The following CTNNA2 variants were observed in gnomAD, a reference collection of about 807,000 sequenced individuals.
The protein encoded by CTNNA2 is catenin alpha-2.
A neutral mutation model predicts 101.0 loss-of-function variants in CTNNA2; 42 were observed. That is an observed-to-expected ratio of 0.42 (90% CI 0.32 to 0.54). The LOEUF is 0.54. Among genes scored for constraint, CTNNA2 ranks in the 20% least tolerant of loss-of-function variants. CTNNA2 has a pLI of 0.14. For synonymous variants in CTNNA2, 450 were observed against 456.4 expected, an observed-to-expected ratio of 0.99 and a Z score of 0.18; for missense variants, 871 against 1,223.1, an observed-to-expected ratio of 0.71 and a Z score of 4.29.
intron 7 of CTNNA2, among the ~76,000 whole-genome samples, chr2:80,167,555 A>G (rs1163966441): frequency 6.6e-6 from 1 of 152,200 alleles, no homozygotes; most frequent in Non-Finnish European, 1.5e-5. Context: ...CAGTGAAAAT[A>G]TGGAATTTGT....
Position 79,744,580 on chromosome 2 carries a change from A to G in CTNNA2, c.296A>G (p.Gln99Arg). The G allele has an allele frequency of 6.2e-7, 1 of 1,613,192 alleles. No individual in the cohort carries two copies. The highest frequency in any genetic ancestry group is 1.1e-5 in the South Asian group (1 of 90,940). Reference sequence around the variant, plus strand: ...GCTGCTGTAGAGGATGTGCGCAAACAAGGTAGGCAGAATGATATTATTGTT... The same window carrying G: ...GCTGCTGTAGAGGATGTGCGCAAACGAGGTAGGCAGAATGATATTATTGTT... ...LVAAVEDVRKQGETMRIASSE... is the reference protein window; with the variant it reads ...LVAAVEDVRKRGETMRIASSE... The change falls in exon 3 of 19, where the codon CAA becomes CGA. Residue 99 changes from glutamine to arginine, a missense_variant and splice_region_variant. Physicochemically the swap from Gln to Arg is conservative, Grantham distance 43. Coordinates refer to ENST00000402739, the MANE Select transcript of CTNNA2 (RefSeq NM_001282597.3).
intron 3 of CTNNA2, among the ~76,000 whole-genome samples, chr2:79,348,046 AG>A (rs1677301557): frequency 6.6e-6 from 1 of 152,106 alleles, no homozygotes; most frequent in Admixed American, 6.6e-5. Context: ...AAGTAGGTAT[AG>A]GTGGCTCAGA....
chr2:80,549,571 C>G (rs1692386923), intron 11 of CTNNA2, among the ~76,000 whole-genome samples: 1 of 152,126 alleles, frequency 6.6e-6, no homozygotes, highest in Non-Finnish European at 1.5e-5. Context: ...AAATACCACA[C>G]TTGATATTAG....
At chr2:79,704,320 G>T (rs192925282) in intron 2 of CTNNA2, among the ~76,000 whole-genome samples, 52 of 152,248 alleles carry the variant, frequency 3.4e-4, no homozygotes, top group African/African-American at 1.2e-3. Flanking sequence ...TACTATAGCA[G>T]AGGATTCCCT....
chr2:79,636,909 C>T (rs1341428809), intron 1 of CTNNA2: 2 of 152,040 alleles, frequency 1.3e-5, no homozygotes, highest in African/African-American at 4.8e-5. Context: ...TTCCCCGAGA[C>T]CATGATAATC....
intron 6 of CTNNA2, among the ~76,000 whole-genome samples, chr2:79,891,702 A>T (rs1275503769): frequency 6.6e-6 from 1 of 152,210 alleles, no homozygotes; most frequent in East Asian, 1.9e-4. Context: ...CAGCAAAATA[A>T]ACTTAAAATG....
At chr2:79,411,269 T>G (rs1025577625) in intron 4 of CTNNA2, among the ~76,000 whole-genome samples, 1 of 151,976 alleles carries the variant, frequency 6.6e-6, no homozygotes, top group African/African-American at 2.4e-5. Context: ...ATTCATTAAT[T>G]TTTTGAAGGG....
chr2:79,974,462 C>T (rs2104582431), intron 7 of CTNNA2, among the ~76,000 whole-genome samples: 1 of 152,286 alleles, frequency 6.6e-6, no homozygotes, highest in Middle Eastern at 3.4e-3. Flanking sequence ...GTACTTACTT[C>T]TGCTACCAAA....
At chr2:80,513,677 T>C (rs1441561468) in intron 9 of CTNNA2, among the ~76,000 whole-genome samples, 1 of 152,204 alleles carries the variant, frequency 6.6e-6, no homozygotes, top group Non-Finnish European at 1.5e-5. Flanking sequence ...AGGGTCTCAA[T>C]TTTAGCAAAG....
intron 7 of CTNNA2, among the ~76,000 whole-genome samples, chr2:80,352,253 A>G (rs758075627): frequency 5.9e-5 from 9 of 152,202 alleles, no homozygotes; most frequent in African/African-American, 9.6e-5. Flanking sequence ...TGCTGATAAC[A>G]ATAAAACAAT....
chr2:80,544,474 A>G (rs1221008037), intron 9 of CTNNA2, among the ~76,000 whole-genome samples: 1 of 152,088 alleles, frequency 6.6e-6, no homozygotes, highest in Non-Finnish European at 1.5e-5. Context: ...CTGGCCTCTA[A>G]TAATATTTGA....
Position 79,767,741 on chromosome 2 carries a change from G to A in CTNNA2, c.298+23159G>A, listed in dbSNP as rs1178009074. On this transcript the variant is annotated intron_variant, in intron 3 of 18. Transcript: ENST00000402739. ...CTAGAAACATCTTTGGGGACCTAGG[G>A]CCTGGAACGGGCACCTCATGACTCT... 2.6e-5 allele frequency among the ~76,000 whole-genome samples: 4 copies of A among 151,938 alleles called. No homozygotes were observed. The East Asian group carries it at 7.9e-4, about 30-fold the overall frequency.
At chr2:80,087,063 A>G (rs1699486401) in intron 7 of CTNNA2, among the ~76,000 whole-genome samples, 1 of 151,934 alleles carries the variant, frequency 6.6e-6, no homozygotes, top group South Asian at 2.1e-4. Flanking sequence ...ACCAGATACC[A>G]CTTATTTTGC....
At chr2:80,394,020 C>A (rs1350209813) in intron 8 of CTNNA2, among the ~76,000 whole-genome samples, 1 of 152,144 alleles carries the variant, frequency 6.6e-6, no homozygotes, top group Non-Finnish European at 1.5e-5. Context: ...TAATAAAACC[C>A]CCTCTTCTTG....
intron 3 of CTNNA2, among the ~76,000 whole-genome samples, chr2:79,851,159 A>C (rs17339556): frequency 0.22 from 33,014 of 152,206 alleles, 4,282 homozygotes; most frequent in Non-Finnish European, 0.3. Context: ...GTAATGCATC[A>C]AGATCTTCTG....
intron 7 of CTNNA2, among the ~76,000 whole-genome samples, chr2:80,124,727 A>G (rs868049693): frequency 1.3e-5 from 2 of 152,280 alleles, no homozygotes; most frequent in Non-Finnish European, 1.5e-5. Flanking sequence ...GTTGCCATGC[A>G]TTGCTTTTCC....
intron 7 of CTNNA2, among the ~76,000 whole-genome samples, chr2:80,221,487 C>T (rs1708573573): frequency 6.6e-6 from 1 of 152,160 alleles, no homozygotes. Flanking sequence ...CATGCTGGGG[C>T]ACCATGTCCC....
intron 7 of CTNNA2, among the ~76,000 whole-genome samples, chr2:80,030,953 T>G (rs1695246986): frequency 6.6e-6 from 1 of 152,152 alleles, no homozygotes; most frequent in Non-Finnish European, 1.5e-5. Context: ...TTAAACAAAT[T>G]TATTCTATCC....
At chr2:80,549,518 T>G (rs1692380269) in intron 11 of CTNNA2, among the ~76,000 whole-genome samples, 1 of 152,208 alleles carries the variant, frequency 6.6e-6, no homozygotes, top group Admixed American at 6.5e-5. Flanking sequence ...ATAAGGAAGT[T>G]TACAATAAAA....
Sources: gnomAD v4.1 joint callset for allele counts (sites outside exome capture counted in the v4.1 genomes callset) on GRCh38, gnomAD v4.1.1 for gene constraint, MANE v1.5 for transcripts, NCBI Gene and HGNC (gene_info 2026-07-23, HGNC 2026-07-21) for gene names.